Variants in TMC3 observed in about 807,000 individuals in gnomAD.
The protein encoded by TMC3 is transmembrane channel-like protein 3.
In TMC3, 98 loss-of-function variants were observed where a neutral mutation model predicts 110.6. The observed-to-expected ratio is 0.89, with a 90% CI of 0.75 to 1.05. TMC3 has a LOEUF of 1.05. Among genes scored for constraint, TMC3 ranks in the 50% least tolerant of loss-of-function variants. The pLI, the probability that TMC3 is intolerant of heterozygous loss-of-function variation, is 0.00. For missense variants in TMC3, 1,319 were observed against 1,373.2 expected, an observed-to-expected ratio of 0.96 and a Z score of 0.62; for synonymous variants, 489 against 513.1, an observed-to-expected ratio of 0.95 and a Z score of 0.63.
At chr15:81,356,685 G>T in intron 7 of TMC3, 91 bp from the exon 8 acceptor site, 1 of 1,413,232 alleles carries the variant, frequency 7.1e-7, no homozygotes, top group Non-Finnish European at 9.5e-7. Context: ...AATTAGCATA[G>T]GCTGCACCCC....
Position 81,337,803 on chromosome 15 carries a change from G to A in TMC3, c.2160+43C>T, listed in dbSNP as rs562102072. 1.1e-4 allele frequency: 170 copies of A among 1,513,478 alleles called. 1 individual carries two copies. The highest frequency in any genetic ancestry group is 2.5e-4 in the East Asian group (11 of 44,384). The allele number at this position is 1,513,478 out of a possible 1,614,324, so 93.8% of individuals were successfully genotyped here. A position where few individuals can be genotyped will look rare whatever the true frequency, so the allele number is the denominator to read the frequency against. Reference sequence around the variant, plus strand: ...CACGCTGGCGGGATCTCAGTCATGTGGTTGACACATATTCATAATAGCAAA... The same window carrying A: ...CACGCTGGCGGGATCTCAGTCATGTAGTTGACACATATTCATAATAGCAAA... On this transcript the variant is annotated intron_variant, in intron 19 of 21. Coordinates refer to ENST00000359440, the MANE Select transcript of TMC3 (RefSeq NM_001080532.3).
Position 81,354,942 on chromosome 15 carries a change from G to C in TMC3, c.935+783C>G, listed in dbSNP as rs187275146. Among the ~76,000 whole-genome samples the C allele has an allele frequency of 3.0e-4, 46 of 152,158 alleles. 1 individual carries two copies. The East Asian group carries it at 5.4e-3, about 18-fold the overall frequency. On this transcript the variant is annotated intron_variant, in intron 9 of 21. Transcript: ENST00000359440. ...ATGGCAGAATCCCATACTTTTATAG[G>C]TGAGGAACTTCAGGTTCATGAAGTT...
Position 81,368,322 on chromosome 15 carries a change from C to T in TMC3, c.243G>A (p.Ala81=), listed in dbSNP as rs762584932. 19 of 1,613,050 alleles carry T rather than the reference C, an allele frequency of 1.2e-5. No homozygotes were observed. Among genetic ancestry groups the T allele is most frequent in the East Asian group, 6.7e-5 (3 of 44,870 alleles). Residue 81 remains alanine (A), a synonymous_variant, in exon 3 of 22, where the codon GCG becomes GCA. Transcript: ENST00000359440. ...MGQKLRALRQ[A]KNIVLKFEGR... is the part of the protein sequence containing the mutation. ...CTTCAAACTTCAGCACAATGTTCTT[C>T]GCTTGTCTAAGAGAAGAAAAACATG...
rs1457257509 is a variant in TMC3 at position 81,334,991 on chromosome 15, G to A, written c.2204-16C>T. ...TGGATTCGGGCTGCAGGGAGAGGGA[G>A]GTGTTGTGAGAAGACAGGTGTCACT... On this transcript the variant is annotated splice_polypyrimidine_tract_variant and intron_variant, in intron 20 of 21. Transcript: ENST00000359440. 6.2e-7 allele frequency: 1 copy of A among 1,611,586 alleles called. No homozygotes were observed. The highest frequency in any genetic ancestry group is 1.3e-5 in the African/African-American group (1 of 74,874).
chr15:81,365,682 AAAAGAAAAAG>A (rs1176445093), intron 3 of TMC3, among the ~76,000 whole-genome samples: 3 of 134,036 alleles, frequency 2.2e-5, no homozygotes, highest in African/African-American at 1.1e-4. Flanking sequence ...AAAAAAAAAA[AAAAGAAAAAG>A]AAAAAAAAGA....
In TMC3 at chr15:81,333,277, C is replaced by A; in HGVS notation, c.2460-15G>T. ...CGTGCAGATACCTGTAAGACAGGGG[C>A]GGTTAAGTAGCTGTGGCCTTGGTGG... On this transcript the variant is annotated splice_polypyrimidine_tract_variant and intron_variant, in intron 21 of 21. Transcript: ENST00000359440. 1 of 1,585,246 alleles carries A rather than the reference C, an allele frequency of 6.3e-7. No individual in the cohort carries two copies. The highest frequency in any genetic ancestry group is 8.6e-7 in the Non-Finnish European group (1 of 1,163,148).
chr15:81,372,066 A>G (rs911914122), intron 2 of TMC3, among the ~76,000 whole-genome samples: 1 of 152,164 alleles, frequency 6.6e-6, no homozygotes, highest in African/African-American at 2.4e-5. Flanking sequence ...CAGACTATTT[A>G]ATATGACTCT....
At chr15:81,356,243 A>G (rs1894057830) in intron 8 of TMC3, among the ~76,000 whole-genome samples, 1 of 152,356 alleles carries the variant, frequency 6.6e-6, no homozygotes, top group South Asian at 2.1e-4. Context: ...TTTAAAAAGA[A>G]AGGAGTTTCA....
chr15:81,358,572 C>T (rs1353310328), intron 5 of TMC3, 72 bp from the exon 6 acceptor site: 2 of 1,234,818 alleles, frequency 1.6e-6, no homozygotes, highest in Non-Finnish European at 2.3e-6. Context: ...AGAGGTTGAT[C>T]TCCATGTGCT....
In TMC3 at chr15:81,335,124, A is replaced by G. The variant is rs1893564054; in HGVS notation, c.2204-149T>C. 3 of 823,916 alleles carry G rather than the reference A, an allele frequency of 3.6e-6. No individual in the cohort carries two copies. In the South Asian group the frequency reaches 5.4e-5, roughly 15 times the overall value. 51.0% of individuals were successfully genotyped at this position (823,916 alleles called of 1,614,324 possible). ...TACAAATGCACCTAACCAGTGGGCAACAAACATTCTGTAATTCAAATGATT... is the reference window on the plus strand; with the variant it reads ...TACAAATGCACCTAACCAGTGGGCAGCAAACATTCTGTAATTCAAATGATT... On this transcript the variant is annotated intron_variant, in intron 20 of 21. Transcript: ENST00000359440.
intron 8 of TMC3, 116 bp from the exon 9 acceptor site, chr15:81,355,884 G>A (rs974602771): frequency 1.3e-5 from 8 of 637,058 alleles, no homozygotes; most frequent in South Asian, 4.5e-5. Context: ...ACTTTATTCT[G>A]TAGGATTCAA....
In TMC3 at chr15:81,372,597, G is replaced by A; in HGVS notation, c.230C>T (p.Ala77Val). 6.2e-7 allele frequency: 1 copy of A among 1,613,350 alleles called. No individual in the cohort carries two copies. The highest frequency in any genetic ancestry group is 8.5e-7 in the Non-Finnish European group (1 of 1,179,872). ...TGGCCATTGAGGCCCTTACCTCAAT[G>A]CCCTCAGCTTCTGTCCCATAGTCCA... is the stretch of plus-strand genomic sequence containing the variant. ...RPWTMGQKLR[A>V]LRQAKNIVLK... The change falls in exon 2 of 22, where the codon GCA becomes GTA. Residue 77 changes from alanine to valine, a missense_variant. By Grantham distance (64) the Ala-to-Val change is moderately conservative. Coordinates refer to ENST00000359440, the MANE Select transcript of TMC3 (RefSeq NM_001080532.3).
At chr15:81,370,075 G>A (rs1211345856) in intron 2 of TMC3, among the ~76,000 whole-genome samples, 1 of 152,178 alleles carries the variant, frequency 6.6e-6, no homozygotes, top group African/African-American at 2.4e-5. Context: ...TGTGGAGGTA[G>A]CAGGGAGGGG....
intron 4 of TMC3, 118 bp downstream of exon 4, chr15:81,362,102 G>C: frequency 1.2e-6 from 1 of 813,550 alleles, no homozygotes; most frequent in Non-Finnish European, 2.0e-6. Flanking sequence ...CAGTGACTCT[G>C]CTATGAGGGT....
At chr15:81,343,473 A>G in intron 14 of TMC3, 128 bp from the exon 15 acceptor site, 2 of 654,730 alleles carry the variant, frequency 3.1e-6, no homozygotes, top group Non-Finnish European at 5.5e-6. Flanking sequence ...TTGTGGGGCC[A>G]TCCCAGCAAA....
intron 3 of TMC3, among the ~76,000 whole-genome samples, chr15:81,364,318 A>G (rs1440413149): frequency 6.6e-6 from 1 of 152,128 alleles, no homozygotes; most frequent in Non-Finnish European, 1.5e-5. Context: ...AATGTGATTG[A>G]AAAAGGTGAT....
Position 81,338,768 on chromosome 15 carries a change from T to C in TMC3, c.1968A>G (p.Lys656=). The C allele has an allele frequency of 1.9e-6, 3 of 1,613,802 alleles. No homozygotes were observed. The highest frequency in any genetic ancestry group is 2.2e-5 in the East Asian group (1 of 44,882). Residue 656 remains lysine (K), a synonymous_variant, in exon 18 of 22, where the codon AAA becomes AAG. Coordinates refer to ENST00000359440, the MANE Select transcript of TMC3 (RefSeq NM_001080532.3). ...LNCGPFSGQE[K]IYDIVSETIE... ...TCGTTTCTGACACAATGTCATAAATTTTCTCTTGTCCACTGTGAGAAAGAA... is the reference window on the plus strand; with the variant it reads ...TCGTTTCTGACACAATGTCATAAATCTTCTCTTGTCCACTGTGAGAAAGAA...
intron 9 of TMC3, among the ~76,000 whole-genome samples, chr15:81,354,664 G>T (rs1351868496): frequency 6.6e-6 from 1 of 152,142 alleles, no homozygotes; most frequent in Non-Finnish European, 1.5e-5. Context: ...CTGGAGAAAA[G>T]TATGGCCAAG....
chr15:81,343,817 G>A, intron 14 of TMC3, 100 bp downstream of exon 14: 3 of 1,311,610 alleles, frequency 2.3e-6, no homozygotes, highest in Non-Finnish European at 3.1e-6. Context: ...CTCTTTCCGT[G>A]TGTCCCCCTC....
Sources: gnomAD v4.1 joint callset for allele counts (sites outside exome capture counted in the v4.1 genomes callset) on GRCh38, gnomAD v4.1.1 for gene constraint, MANE v1.5 for transcripts, NCBI Gene and HGNC (gene_info 2026-07-23, HGNC 2026-07-21) for gene names.